Variants in TPR observed in about 807,000 individuals in gnomAD.
The protein encoded by TPR is nucleoprotein TPR.
TPR carries 51 observed loss-of-function variants against 316.1 expected under a neutral mutation model. The ratio of observed to expected loss-of-function variants is 0.16; its 90% CI spans 0.13 to 0.20. The LOEUF (loss-of-function observed/expected upper bound fraction) is 0.20, where lower values mean the gene tolerates loss of function less well. TPR is among the 10% of genes least tolerant of loss of function. TPR has a pLI of 1.00. For missense variants in TPR, 2,272 were observed against 2,754.8 expected (o/e 0.82, Z 3.92); for synonymous variants, 981 against 914.7 (o/e 1.07, Z -1.31).
chr1:186,325,896 A>C (rs1164454615), intron 41 of TPR, 42 bp from the exon 42 acceptor site: 13 of 1,595,540 alleles, frequency 8.1e-6, no homozygotes, highest in Non-Finnish European at 1.1e-5. Context: ...AATAAAATAA[A>C]TATGTTAAAA....
Position 186,365,447 on chromosome 1 carries a change from C to T in TPR, c.428-2002G>A, listed in dbSNP as rs533537575. ...ACTTTAGACACTGTCCCTGGCCACC[C>T]AGAACCCAGGAGTTCAACATGGAAG... On this transcript the variant is annotated intron_variant, in intron 4 of 50. Transcript: ENST00000367478. Among the ~76,000 whole-genome samples the T allele has an allele frequency of 7.7e-4, 118 of 152,280 alleles. 1 individual carries two copies. The highest frequency in any genetic ancestry group is 2.8e-3 in the Admixed American group (43 of 15,280).
At chr1:186,365,465 C>A (rs1201498616) in intron 4 of TPR, among the ~76,000 whole-genome samples, 1 of 152,128 alleles carries the variant, frequency 6.6e-6, no homozygotes, top group Non-Finnish European at 1.5e-5. Flanking sequence ...AGGAGTTCAA[C>A]ATGGAAGGTG....
In TPR at chr1:186,313,376, T is replaced by C. The variant is rs1657428098; in HGVS notation, c.*595A>G. The stretch of plus-strand genomic sequence containing the variant: ...TATGAATGACATTGGCATGTATTTT[T>C]TAAAAGGAATAACCCCAAGTAAATT... On this transcript the variant is annotated 3_prime_UTR_variant, in exon 51 of 51. Transcript: ENST00000367478. 2.9e-6 allele frequency: 1 copy of C among 343,764 alleles called. No homozygotes were observed. The highest frequency in any genetic ancestry group is 2.1e-5 in the African/African-American group (1 of 47,604). The allele number at this position is 343,764 out of a possible 1,614,324, so 21.3% of individuals were successfully genotyped here.
At chr1:186,362,004 T>C in intron 7 of TPR, 135 bp from the exon 8 acceptor site, 2 of 756,682 alleles carry the variant, frequency 2.6e-6, no homozygotes, top group South Asian at 2.2e-5. Context: ...TCAGTCTTCA[T>C]GACAAAGATA....
intron 3 of TPR, among the ~76,000 whole-genome samples, chr1:186,368,465 C>T (rs922122291): frequency 6.6e-6 from 1 of 152,106 alleles, no homozygotes; most frequent in Non-Finnish European, 1.5e-5. Context: ...AAAAAAACAG[C>T]CAGACATGGT....
In TPR at chr1:186,356,301, C is replaced by T. The variant is rs748102187; in HGVS notation, c.1873G>A (p.Ala625Thr). ...AAAAACCTACCATGTAATGGAATGG[C>T]AACTCCTGTTGTTTGTGACAATAAA... is the stretch of plus-strand genomic sequence containing the variant. The part of the protein sequence containing the change: ...RILLSQTTGV[A>T]IPLHASSLDD... Residue 625 changes from alanine (A) to threonine (T), a missense_variant, in exon 15 of 51, where the codon GCC becomes ACC. Physicochemically the swap from Ala to Thr is moderately conservative, Grantham distance 58. Around this residue, in one of 10 missense-constraint regions of TPR, gnomAD observed 757 missense variants for 859.8 expected, o/e 0.88. Transcript: ENST00000367478. The T allele has an allele frequency of 6.3e-7, 1 of 1,599,900 alleles. No individual in the cohort carries two copies. The highest frequency in any genetic ancestry group is 1.1e-5 in the South Asian group (1 of 89,142).
rs150061942 is a variant in TPR at position 186,349,086 on chromosome 1, C to A, written c.2776+1137G>T. 1.4e-4 allele frequency among the ~76,000 whole-genome samples: 21 copies of A among 152,262 alleles called. No homozygotes were observed. The East Asian group carries it at 4.1e-3, about 29-fold the overall frequency. ...ATGAGTTGAAAATGCATTTAATATA[C>A]CTAACTCACTGAACACCATAGCTTA... On this transcript the variant is annotated intron_variant, in intron 21 of 50. Coordinates refer to ENST00000367478, the MANE Select transcript of TPR (RefSeq NM_003292.3).
intron 21 of TPR, among the ~76,000 whole-genome samples, chr1:186,349,936 A>G (rs1006336503): frequency 1.3e-5 from 2 of 152,180 alleles, no homozygotes; most frequent in African/African-American, 4.8e-5. Context: ...CTCTTCAGAA[A>G]GAATAATTTT....
At chr1:186,370,861 G>T in intron 3 of TPR, 109 bp downstream of exon 3, 1 of 874,724 alleles carries the variant, frequency 1.1e-6, no homozygotes, top group Non-Finnish European at 1.8e-6. Context: ...TCCCCTAATA[G>T]GACATCAGTT....
In TPR at chr1:186,327,182, TA is replaced by T. The variant is rs1470796552; in HGVS notation, c.5889+277del. Among the ~76,000 whole-genome samples, 2 of 20,552 alleles carry T rather than the reference TA, an allele frequency of 9.7e-5. 1 individual carries two copies. Among genetic ancestry groups the T allele is most frequent in the African/African-American group, 4.1e-4 (2 of 4,930 alleles). 13.5% of individuals were successfully genotyped at this position (20,552 alleles called of 152,430 possible). On this transcript the variant is annotated intron_variant, in intron 40 of 50. Coordinates refer to ENST00000367478, the MANE Select transcript of TPR (RefSeq NM_003292.3). Reference sequence around the variant, plus strand: ...ATATATAACATATATATTATATATATAAATATATATTATATATTTATATATA... The same window carrying T: ...ATATATAACATATATATTATATATATAATATATATTATATATTTATATATA...
chr1:186,324,618 G>A (rs969518534), intron 42 of TPR, among the ~76,000 whole-genome samples: 1 of 152,150 alleles, frequency 6.6e-6, no homozygotes, highest in African/African-American at 2.4e-5. Flanking sequence ...GACACCTCAA[G>A]TCACTTTACT....
chr1:186,347,021 G>A (rs1658699153), intron 22 of TPR, among the ~76,000 whole-genome samples: 2 of 152,184 alleles, frequency 1.3e-5, no homozygotes, highest in African/African-American at 4.8e-5. Flanking sequence ...GTGAAGGCAT[G>A]CATACCCAGT....
rs546184668 is a variant in TPR, at chr1:186,368,037, C to T, written c.331-55G>A. 1.7e-4 allele frequency: 224 copies of T among 1,295,202 alleles called. No homozygotes were observed. The African/African-American group carries it at 2.9e-3, about 17-fold the overall frequency. 80.2% of individuals were successfully genotyped at this position (1,295,202 alleles called of 1,614,324 possible). ...AATCAAGTAGAGCAATACAGGAAAG[C>T]GAACATAGAATTGTCACTTTAGTTA... On this transcript the variant is annotated intron_variant, in intron 3 of 50. Coordinates refer to ENST00000367478, the MANE Select transcript of TPR (RefSeq NM_003292.3).
intron 30 of TPR, 50 bp from the exon 31 acceptor site, chr1:186,338,293 C>T (rs1019888508): frequency 4.7e-6 from 7 of 1,490,416 alleles, no homozygotes; most frequent in Admixed American, 4.2e-5. Context: ...AGACATTTTT[C>T]AAAGTTTGAA....
At position 186,345,714 on chromosome 1, in the gene TPR, G is replaced by T. The variant is rs376135831; in HGVS notation, c.3097-18C>A. Reference sequence around the variant, plus strand: ...TCAGATAACTAAGCAGAAAGAACAAGATTAAAACCAAAATTAATTGCAAAC... The same window carrying T: ...TCAGATAACTAAGCAGAAAGAACAATATTAAAACCAAAATTAATTGCAAAC... On this transcript the variant is annotated intron_variant, in intron 23 of 50. Transcript: ENST00000367478. The T allele has an allele frequency of 6.5e-7, 1 of 1,542,640 alleles. No homozygotes were observed. The highest frequency in any genetic ancestry group is 8.9e-7 in the Non-Finnish European group (1 of 1,119,066).
At chr1:186,315,484 C>T (rs955461309) in intron 49 of TPR, among the ~76,000 whole-genome samples, 1 of 151,964 alleles carries the variant, frequency 6.6e-6, no homozygotes, top group South Asian at 2.1e-4. Flanking sequence ...AATATATATC[C>T]CAAATCTGAC....
rs1658819844 is a variant in TPR, at chr1:186,350,267, A to G, written c.2732T>C (p.Met911Thr). 2 of 1,613,324 alleles carry G rather than the reference A, an allele frequency of 1.2e-6. No homozygotes were observed. The highest frequency in any genetic ancestry group is 1.1e-5 in the South Asian group (1 of 90,828). Residue 911 changes from methionine (M) to threonine (T), a missense_variant, in exon 21 of 51, where the codon ATG becomes ACG. By Grantham distance (81) the Met-to-Thr change is moderately conservative (BLOSUM62 -1). Transcript: ENST00000367478. ...IATLKQHLSN[M>T]EVQVASQSSQ... ...AGACTGAGAAGCAACTTGGACTTCC[A>G]TATTACTGAGGTGCTGTTTCAATGT... is the stretch of plus-strand genomic sequence containing the variant.
rs1277066824 is a variant in TPR at position 186,358,642 on chromosome 1, C to A, written c.1398G>T (p.Gln466His). 6.2e-7 allele frequency: 1 copy of A among 1,611,162 alleles called. No homozygotes were observed. The highest frequency in any genetic ancestry group is 8.5e-7 in the Non-Finnish European group (1 of 1,178,894). Residue 466 changes from glutamine to histidine, a missense_variant, in exon 13 of 51, where the codon CAG (glutamine) becomes CAT (histidine). By Grantham distance (24) the Gln-to-His change is conservative. Coordinates refer to ENST00000367478, the MANE Select transcript of TPR (RefSeq NM_003292.3). ...VKLEQAMKEIQRLQEDTDKAN... is the reference protein window; with the variant it reads ...VKLEQAMKEIHRLQEDTDKAN... Reference sequence around the variant, plus strand: ...CTTTATCAGTGTCCTCCTGCAATCGCTGAATCTCCTTTAAAATGTAAATTC... The same window carrying A: ...CTTTATCAGTGTCCTCCTGCAATCGATGAATCTCCTTTAAAATGTAAATTC...
chr1:186,333,190 T>C lies in TPR; in HGVS notation c.5387A>G (p.Asn1796Ser), dbSNP rs751373405. ...TGAACTCTGAACAACCTCTACTATGTTTGAAGATAACTCTTGATTGGCAGG... is the reference window on the plus strand; with the variant it reads ...TGAACTCTGAACAACCTCTACTATGCTTGAAGATAACTCTTGATTGGCAGG... ...IEPANQELSS[N>S]IVEVVQSSPV... Residue 1796 changes from asparagine (N) to serine (S), a missense_variant, in exon 37 of 51, where the codon AAC (asparagine) becomes AGC (serine). Around this residue, in one of 10 missense-constraint regions of TPR, gnomAD observed 435 missense variants for 461.1 expected, o/e 0.94. Coordinates refer to ENST00000367478, the MANE Select transcript of TPR (RefSeq NM_003292.3). The C allele has an allele frequency of 1.5e-5, 25 of 1,613,598 alleles. No homozygotes were observed. The highest frequency in any genetic ancestry group is 1.9e-5 in the Non-Finnish European group (23 of 1,179,678).
Sources: gnomAD v4.1 joint callset for allele counts (sites outside exome capture counted in the v4.1 genomes callset) on GRCh38, gnomAD v4.1.1 for gene constraint, gnomAD v4.1.1 regional missense constraint, MANE v1.5 for transcripts, NCBI Gene and HGNC (gene_info 2026-07-23, HGNC 2026-07-21) for gene names.